The following SH3PXD2A variants were observed in gnomAD, a reference collection of about 807,000 sequenced individuals.
The protein encoded by SH3PXD2A is SH3 and PX domain-containing protein 2A.
In SH3PXD2A, 32 loss-of-function variants were observed where a neutral mutation model predicts 115.2. The ratio of observed to expected loss-of-function variants is 0.28; its 90% CI spans 0.21 to 0.37. The LOEUF is 0.37. Ranked by LOEUF, SH3PXD2A falls within the 10% of genes least tolerant of loss-of-function variation. SH3PXD2A has a pLI of 1.00. For missense variants in SH3PXD2A, 1,328 were observed against 1,498.7 expected (o/e 0.89, Z 1.88); for synonymous variants, 610 against 629.1 (o/e 0.97, Z 0.45).
At chr10:103,695,385 G>A (rs2037812651) in intron 5 of SH3PXD2A, among the ~76,000 whole-genome samples, 2 of 152,096 alleles carry the variant, frequency 1.3e-5, no homozygotes, top group Admixed American at 1.3e-4. Context: ...GCAAGCACTT[G>A]TACTCCCAGC....
At chr10:103,819,669 C>T (rs776782569) in intron 1 of SH3PXD2A, among the ~76,000 whole-genome samples, 66 of 151,892 alleles carry the variant, frequency 4.3e-4, no homozygotes, top group Non-Finnish European at 7.7e-4. Context: ...GAGAGAGAGG[C>T]GAGAACAGGT....
At chr10:103,614,037 G>A (rs774415752) in intron 11 of SH3PXD2A, among the ~76,000 whole-genome samples, 14 of 151,976 alleles carry the variant, frequency 9.2e-5, no homozygotes, top group African/African-American at 2.9e-4. Context: ...CAGGAGGATC[G>A]TTTAAGGCCA....
At chr10:103,699,373 G>A (rs1273440180) in intron 5 of SH3PXD2A, among the ~76,000 whole-genome samples, 1 of 152,222 alleles carries the variant, frequency 6.6e-6, no homozygotes, top group Admixed American at 6.5e-5. Flanking sequence ...TGCATCAGAT[G>A]TCTGTCTGCG....
At chr10:103,654,034 C>T (rs1033025426) in intron 8 of SH3PXD2A, among the ~76,000 whole-genome samples, 3 of 152,010 alleles carry the variant, frequency 2.0e-5, no homozygotes, top group Non-Finnish European at 4.4e-5. Flanking sequence ...CTAATCCCTT[C>T]ATTCTCCCAG....
intron 1 of SH3PXD2A, among the ~76,000 whole-genome samples, chr10:103,819,857 G>C (rs1331822363): frequency 2.0e-5 from 3 of 152,060 alleles, no homozygotes. Context: ...GGGAGCCCAG[G>C]AGGGGCTGCT....
intron 4 of SH3PXD2A, among the ~76,000 whole-genome samples, chr10:103,730,635 G>T (rs1433325269): frequency 6.6e-6 from 1 of 152,180 alleles, no homozygotes; most frequent in Non-Finnish European, 1.5e-5. Context: ...TAGTACATCA[G>T]GGCCTGGGGG....
Position 103,596,627 on chromosome 10 carries a change from A to G in SH3PXD2A, c.*5189T>C, listed in dbSNP as rs887985452. The G allele has an allele frequency of 7.8e-6, 1 of 128,948 alleles. No individual in the cohort carries two copies. The highest frequency in any genetic ancestry group is 1.6e-5 in the Non-Finnish European group (1 of 61,812). 8.0% of individuals were successfully genotyped at this position (128,948 alleles called of 1,614,324 possible). A position where few individuals can be genotyped will look rare whatever the true frequency, so the allele number is the denominator to read the frequency against. On this transcript the variant is annotated 3_prime_UTR_variant, in exon 15 of 15. Coordinates refer to ENST00000369774, the MANE Select transcript of SH3PXD2A (RefSeq NM_001394015.1). ...CAAGTGGGAAGTTACCAACACTTGC[A>G]TACACAGACACACACACACACACAC...
At chr10:103,722,783 G>A (rs1467318434) in intron 5 of SH3PXD2A, among the ~76,000 whole-genome samples, 1 of 152,120 alleles carries the variant, frequency 6.6e-6, no homozygotes, top group Non-Finnish European at 1.5e-5. Context: ...TCAATACTTT[G>A]CATCCTATAC....
intron 2 of SH3PXD2A, among the ~76,000 whole-genome samples, chr10:103,778,234 G>A (rs2134238010): frequency 6.6e-6 from 1 of 152,328 alleles, no homozygotes; most frequent in Non-Finnish European, 1.5e-5. Context: ...TCGGGAGGCT[G>A]AGGCAGGAAA....
At position 103,784,659 on chromosome 10, in the gene SH3PXD2A, C is replaced by T. The variant is rs2038963972; in HGVS notation, c.153+16623G>A. 6.6e-6 allele frequency among the ~76,000 whole-genome samples: 1 copy of T among 151,812 alleles called. No individual in the cohort carries two copies. The highest frequency in any genetic ancestry group is 2.4e-5 in the African/African-American group (1 of 41,274). On this transcript the variant is annotated intron_variant, in intron 2 of 14. Coordinates refer to ENST00000369774, the MANE Select transcript of SH3PXD2A (RefSeq NM_001394015.1). The surrounding 1 kb of genome is among the most constrained non-coding windows in gnomAD (Gnocchi z 4.4). ...CGGCTGGCTGGAGGGCAGGACAGTC[C>T]CAGTAAAAACTCGGGGGGTGCAGTG...
Position 103,697,589 on chromosome 10 carries a change from C to T in SH3PXD2A, c.399-4533G>A, listed in dbSNP as rs546948372. ...TTCATCCCTGACCCACAGGAATGGA[C>T]GCACGCCTCTGGACCCCTCTATTAG... is the stretch of plus-strand genomic sequence containing the variant. On this transcript the variant is annotated intron_variant, in intron 5 of 14. Coordinates refer to ENST00000369774, the MANE Select transcript of SH3PXD2A (RefSeq NM_001394015.1). Among the ~76,000 whole-genome samples, 190 of 152,250 alleles carry T rather than the reference C, an allele frequency of 1.2e-3. 3 individuals are homozygous for T. Among genetic ancestry groups the T allele is most frequent in the African/African-American group, 4.3e-3 (177 of 41,544 alleles).
At chr10:103,743,093 G>A (rs2038461963) in intron 3 of SH3PXD2A, among the ~76,000 whole-genome samples, 1 of 152,166 alleles carries the variant, frequency 6.6e-6, no homozygotes. Context: ...AAAGTGGGCT[G>A]GACCAGCCAA....
chr10:103,762,070 T>C (rs1339009056), intron 3 of SH3PXD2A, among the ~76,000 whole-genome samples: 2 of 139,356 alleles, frequency 1.4e-5, no homozygotes, highest in Non-Finnish European at 3.0e-5. Context: ...TCACCCAGGC[T>C]GGAGTGCAGT....
chr10:103,744,326 T>A (rs1044115897), intron 3 of SH3PXD2A, among the ~76,000 whole-genome samples: 3 of 152,072 alleles, frequency 2.0e-5, no homozygotes, highest in Non-Finnish European at 4.4e-5. Context: ...GCTAATTTTG[T>A]ATTTTTAGTA....
At chr10:103,676,361 G>C (rs969026011) in intron 6 of SH3PXD2A, among the ~76,000 whole-genome samples, 3 of 152,166 alleles carry the variant, frequency 2.0e-5, no homozygotes, top group Admixed American at 1.3e-4. Flanking sequence ...CTGCTCAGGC[G>C]GGGGATGGGG....
At chr10:103,653,798 AG>A (rs1320554236) in intron 8 of SH3PXD2A, among the ~76,000 whole-genome samples, 6 of 151,960 alleles carry the variant, frequency 3.9e-5, no homozygotes, top group Non-Finnish European at 7.4e-5. Flanking sequence ...AGAGCTGCCC[AG>A]CCCCTGCCAC....
intron 1 of SH3PXD2A, among the ~76,000 whole-genome samples, chr10:103,827,458 G>C (rs2039441672): frequency 6.6e-6 from 1 of 152,158 alleles, no homozygotes; most frequent in Non-Finnish European, 1.5e-5. Flanking sequence ...TTCAGGCCCA[G>C]CTCCACCACC....
At position 103,598,196 on chromosome 10, in the gene SH3PXD2A, G is replaced by C. The variant is rs1170167092; in HGVS notation, c.*3620C>G. The C allele has an allele frequency of 1.3e-5, 2 of 152,714 alleles. No homozygotes were observed. The highest frequency in any genetic ancestry group is 2.9e-5 in the Non-Finnish European group (2 of 68,068). 9.5% of individuals were successfully genotyped at this position (152,714 alleles called of 1,614,324 possible). A position where few individuals can be genotyped will look rare whatever the true frequency, so the allele number is the denominator to read the frequency against. On this transcript the variant is annotated 3_prime_UTR_variant, in exon 15 of 15. Transcript: ENST00000369774. Reference sequence around the variant, plus strand: ...TGGGGCCAGGCTTAGGGTAGACGGGGCTGAGGCCTGGCAAGACAGCCCGTC... The same window carrying C: ...TGGGGCCAGGCTTAGGGTAGACGGGCCTGAGGCCTGGCAAGACAGCCCGTC...
Position 103,627,291 on chromosome 10 carries a change from G to C in SH3PXD2A, c.605-89C>G, listed in dbSNP as rs946624793. 2.6e-6 allele frequency: 2 copies of C among 760,176 alleles called. No individual in the cohort carries two copies. The highest frequency in any genetic ancestry group is 3.4e-5 in the African/African-American group (2 of 58,234). 47.1% of individuals were successfully genotyped at this position (760,176 alleles called of 1,614,324 possible). On this transcript the variant is annotated intron_variant, in intron 8 of 14. Transcript: ENST00000369774. The surrounding 1 kb of genome is among the most constrained non-coding windows in gnomAD (Gnocchi z 4.4). Reference sequence around the variant, plus strand: ...GGCCAGGACAAGGATGGAAGGAGAGGCACAAGAAGCGGAGCATGGAGCCAG... The same window carrying C: ...GGCCAGGACAAGGATGGAAGGAGAGCCACAAGAAGCGGAGCATGGAGCCAG...
Sources: allele counts gnomAD v4.1 joint callset (sites outside exome capture counted in the v4.1 genomes callset), GRCh38; gene constraint gnomAD v4.1.1; non-coding constraint Gnocchi (gnomAD v3.1); transcripts MANE v1.5; gene names NCBI Gene and HGNC (gene_info 2026-07-23, HGNC 2026-07-21).